Variants in COX18 observed in about 807,000 individuals in gnomAD.
The protein encoded by COX18 is cytochrome c oxidase assembly protein COX18, mitochondrial.
COX18 carries 45 observed loss-of-function variants against 38.0 expected under a neutral mutation model. The observed-to-expected ratio is 1.18, with a 90% CI of 0.93 to 1.52. COX18 has a LOEUF of 1.52. COX18 is among the 40% of genes most tolerant of loss of function. The pLI, the probability that COX18 is intolerant of heterozygous loss-of-function variation, is 0.00. For synonymous variants in COX18, 177 were observed against 169.8 expected (o/e 1.04, Z -0.33); for missense variants, 462 against 423.8 (o/e 1.09, Z -0.79).
chr4:73,065,174 T>C, intron 3 of COX18, 76 bp downstream of exon 3: 1 of 499,668 alleles, frequency 2.0e-6, no homozygotes, highest in Non-Finnish European at 2.9e-6. Flanking sequence ...AAAGTATGCT[T>C]TTTTTTTTTT....
Position 73,061,926 on chromosome 4 carries a change from G to C in COX18, c.724-6C>G. 2 of 1,456,536 alleles carry C rather than the reference G, an allele frequency of 1.4e-6. No individual in the cohort carries two copies. The highest frequency in any genetic ancestry group is 4.5e-5 in the East Asian group (2 of 44,012). The allele number at this position is 1,456,536 out of a possible 1,614,324, so 90.2% of individuals were successfully genotyped here. On this transcript the variant is annotated splice_region_variant and splice_polypyrimidine_tract_variant and intron_variant, in intron 4 of 5. Transcript: ENST00000507544. ...ATTTTTTGTAGAGCACAAATCTGAA[G>C]GGGTAGAACATATACATGCATAATG...
chr4:73,062,656 G>T (rs1720234387), intron 4 of COX18, among the ~76,000 whole-genome samples: 1 of 152,116 alleles, frequency 6.6e-6, no homozygotes, highest in Non-Finnish European at 1.5e-5. Flanking sequence ...AGGCAACATA[G>T]CGAAACCATC....
At chr4:73,061,760 TA>T in intron 5 of COX18, 52 bp downstream of exon 5, 1 of 871,064 alleles carries the variant, frequency 1.1e-6, no homozygotes, top group Non-Finnish European at 1.9e-6. Context: ...CAGTCTAAGC[TA>T]AAGTCAGAGA....
At chr4:73,062,813 G>A (rs1051991535) in intron 4 of COX18, among the ~76,000 whole-genome samples, 1 of 151,236 alleles carries the variant, frequency 6.6e-6, no homozygotes, top group Admixed American at 6.6e-5. Flanking sequence ...CTCCAGCCTG[G>A]GTGACAGAGT....
At position 73,054,409 on chromosome 4, in the gene COX18, T is replaced by A. The variant is rs1042942719; in HGVS notation, c.*3705A>T. ...AGAAAAAAATCAAGAGTATTTACCATCCTGAAGTCAGGTAAGTTCAGGTAA... is the reference window on the plus strand; with the variant it reads ...AGAAAAAAATCAAGAGTATTTACCAACCTGAAGTCAGGTAAGTTCAGGTAA... On this transcript the variant is annotated 3_prime_UTR_variant, in exon 6 of 6. Transcript: ENST00000507544. The A allele has an allele frequency of 4.6e-5, 7 of 152,220 alleles. No homozygotes were observed. The highest frequency in any genetic ancestry group is 7.3e-5 in the Non-Finnish European group (5 of 68,042). 9.4% of individuals were successfully genotyped at this position (152,220 alleles called of 1,614,324 possible).
chr4:73,057,138 A>G lies in COX18; in HGVS notation c.*976T>C, dbSNP rs1719935156. 1 of 150,030 alleles carries G rather than the reference A, an allele frequency of 6.7e-6. No individual in the cohort carries two copies. Among genetic ancestry groups the G allele is most frequent in the African/African-American group, 2.5e-5 (1 of 40,338 alleles). The allele number at this position is 150,030 out of a possible 1,614,324, so 9.3% of individuals were successfully genotyped here. ...TCTGTCTCATTAAAAAAATTAAAAA[A>G]AAAAAATGCTGGGTGAGGTGGCTCA... On this transcript the variant is annotated 3_prime_UTR_variant, in exon 6 of 6. Coordinates refer to ENST00000507544, the MANE Select transcript of COX18 (RefSeq NM_001297732.2).
At chr4:73,069,285 G>A (rs549713999) in intron 1 of COX18, 32 bp downstream of exon 1, 16 of 1,440,070 alleles carry the variant, frequency 1.1e-5, no homozygotes, top group Non-Finnish European at 1.5e-5. Context: ...GGGTTGCAGC[G>A]CAGGGTACGC....
intron 5 of COX18, among the ~76,000 whole-genome samples, 165 bp downstream of exon 5, chr4:73,061,648 C>T (rs1013083251): frequency 7.0e-6 from 1 of 142,588 alleles, no homozygotes; most frequent in Non-Finnish European, 1.5e-5. Context: ...GCGGAGCTTG[C>T]AGTGAGCCGA....
chr4:73,068,067 A>C lies in COX18; in HGVS notation c.396T>G (p.Val132=), dbSNP rs1720561111. The part of the protein sequence containing the change: ...IARHLNQEVA[V]RANQLGWSKR... Reference sequence around the variant, plus strand: ...TGGACCACCCCAACTGATTTGCACGAACTGCAACTTCTTGGTTAAGATGCC... The same window carrying C: ...TGGACCACCCCAACTGATTTGCACGCACTGCAACTTCTTGGTTAAGATGCC... The change falls in exon 2 of 6, where the codon GTT becomes GTG. Residue 132 remains valine (V), a synonymous_variant. Transcript: ENST00000507544. 3.7e-6 allele frequency: 6 copies of C among 1,611,308 alleles called. No homozygotes were observed. In the South Asian group the frequency reaches 6.6e-5, roughly 18 times the overall value.
chr4:73,069,288 GGGTACGC>G (rs1720630252), intron 1 of COX18, 22 bp downstream of exon 1: 1 of 1,451,386 alleles, frequency 6.9e-7, no homozygotes, highest in Non-Finnish European at 9.2e-7. Flanking sequence ...TTGCAGCGCA[GGGTACGC>G]GCACGGCTCG....
upstream of COX18, chr4:73,069,718 C>G (rs972317608): frequency 2.1e-6 from 3 of 1,430,294 alleles, no homozygotes; most frequent in South Asian, 1.2e-5. Context: ...CCAGCCAAGG[C>G]TGATACGCGC....
intron 5 of COX18, 95 bp downstream of exon 5, chr4:73,061,707 CAAAAAAAAAAA>C (rs35931617): frequency 3.2e-5 from 12 of 374,556 alleles, no homozygotes; most frequent in African/African-American, 1.3e-4. Context: ...GACTCCGTCT[CAAAAAAAAAAA>C]AAAAAAAAAA....
intron 5 of COX18, among the ~76,000 whole-genome samples, chr4:73,061,605 C>T (rs1411540963): frequency 4.0e-5 from 6 of 151,072 alleles, no homozygotes; most frequent in Admixed American, 3.3e-4. Flanking sequence ...CTACTCAGGA[C>T]GCTGAGGCCG....
Position 73,055,754 on chromosome 4 carries a change from G to A in COX18, c.*2360C>T, listed in dbSNP as rs1364801136. 2 of 152,170 alleles carry A rather than the reference G, an allele frequency of 1.3e-5. No individual in the cohort carries two copies. Among genetic ancestry groups the A allele is most frequent in the East Asian group, 1.9e-4 (1 of 5,190 alleles). 9.4% of individuals were successfully genotyped at this position (152,170 alleles called of 1,614,324 possible). On this transcript the variant is annotated 3_prime_UTR_variant, in exon 6 of 6. Transcript: ENST00000507544. ...CTACAAATGGCTCAAAAGCACTTGT[G>A]CAAGTACTGGTTCTGGGGTTATGGA...
rs950625353 is a variant in COX18, at chr4:73,054,144, T to C, written c.*3970A>G. 6.6e-6 allele frequency: 1 copy of C among 152,108 alleles called. No individual in the cohort carries two copies. The highest frequency in any genetic ancestry group is 1.5e-5 in the Non-Finnish European group (1 of 68,060). 9.4% of individuals were successfully genotyped at this position (152,108 alleles called of 1,614,324 possible). ...TCCTCATCTAAGGAGACAAAAACCT[T>C]CCTGAACTCTGCAGGGCCCAGCGCA... On this transcript the variant is annotated 3_prime_UTR_variant, in exon 6 of 6. Transcript: ENST00000507544.
At chr4:73,065,150 T>C in intron 3 of COX18, 100 bp downstream of exon 3, 1 of 1,142,280 alleles carries the variant, frequency 8.8e-7, no homozygotes, top group Non-Finnish European at 1.2e-6. Context: ...ATAGTAAACA[T>C]ATCGTAATTA....
At chr4:73,063,637 A>C (rs1720292138) in intron 4 of COX18, among the ~76,000 whole-genome samples, 1 of 152,240 alleles carries the variant, frequency 6.6e-6, no homozygotes, top group African/African-American at 2.4e-5. Context: ...CCTTGTGCTT[A>C]TCACTTCCTT....
chr4:73,063,266 A>AC (rs1455500163), intron 4 of COX18, among the ~76,000 whole-genome samples: 1 of 152,198 alleles, frequency 6.6e-6, no homozygotes, highest in African/African-American at 2.4e-5. Flanking sequence ...AGATCACACC[A>AC]CTGCACTCCA....
chr4:73,061,096 A>G (rs1458643064), intron 5 of COX18, among the ~76,000 whole-genome samples: 1 of 152,164 alleles, frequency 6.6e-6, no homozygotes, highest in Admixed American at 6.5e-5. Context: ...CTATTTCTAT[A>G]AAGATTAATT....
Sources: allele counts gnomAD v4.1 joint callset (sites outside exome capture counted in the v4.1 genomes callset), GRCh38; gene constraint gnomAD v4.1.1; transcripts MANE v1.5; gene names NCBI Gene and HGNC (gene_info 2026-07-23, HGNC 2026-07-21).